Variants in ANGPT1 observed in about 807,000 individuals in gnomAD.
The protein encoded by ANGPT1 is angiopoietin-1.
In ANGPT1, 17 loss-of-function variants were observed where a neutral mutation model predicts 62.2. The ratio of observed to expected loss-of-function variants is 0.27; its 90% CI spans 0.19 to 0.41. The LOEUF is 0.41. ANGPT1 is among the 10% of genes least tolerant of loss of function. The probability of loss-of-function intolerance (pLI) is 1.00; values close to 1 mark genes in which losing one functional copy is unlikely to be tolerated. For synonymous variants in ANGPT1, 199 were observed against 198.9 expected, an observed-to-expected ratio of 1.00 and a Z score of 0.00; for missense variants, 478 against 594.9, an observed-to-expected ratio of 0.80 and a Z score of 2.04.
intron 1 of ANGPT1, among the ~76,000 whole-genome samples, chr8:107,463,172 AGCTGAATGTTGGAGAG>A (rs1812115357): frequency 6.6e-6 from 1 of 152,128 alleles, no homozygotes; most frequent in Non-Finnish European, 1.5e-5. Context: ...TGATGAAGTA[AGCTGAATGTTGGAGAG>A]GCCCATATGG....
intron 1 of ANGPT1, among the ~76,000 whole-genome samples, chr8:107,403,466 T>C (rs1183406380): frequency 2.6e-5 from 4 of 152,144 alleles, no homozygotes; most frequent in Admixed American, 2.6e-4. Flanking sequence ...CAGTTGGGCC[T>C]GGCAGAAATT....
Position 107,343,581 on chromosome 8 carries a change from G to A in ANGPT1, c.453+3361C>T, listed in dbSNP as rs906848489. Among the ~76,000 whole-genome samples the A allele has an allele frequency of 7.2e-5, 11 of 152,258 alleles. No individual in the cohort carries two copies. In the South Asian group the frequency reaches 1.2e-3, roughly 17 times the overall value. ...GTGAGCACTGGTCAATTATACTTCCGCAAGTAGGAGATTGGAAAGGTACAT... is the reference window on the plus strand; with the variant it reads ...GTGAGCACTGGTCAATTATACTTCCACAAGTAGGAGATTGGAAAGGTACAT... On this transcript the variant is annotated intron_variant, in intron 2 of 8. Transcript: ENST00000517746.
chr8:107,413,067 A>C (rs1019907901), intron 1 of ANGPT1, among the ~76,000 whole-genome samples: 5 of 152,190 alleles, frequency 3.3e-5, no homozygotes, highest in Admixed American at 6.5e-5. Flanking sequence ...GTAACTAAGA[A>C]CATAAGTATT....
intron 1 of ANGPT1, among the ~76,000 whole-genome samples, chr8:107,444,581 G>A (rs558101609): frequency 6.6e-6 from 1 of 152,240 alleles, no homozygotes; most frequent in African/African-American, 2.4e-5. Context: ...CAATAATAAT[G>A]TCTAGAAAAA....
intron 8 of ANGPT1, among the ~76,000 whole-genome samples, chr8:107,256,794 T>A (rs1237729373): frequency 6.6e-6 from 1 of 152,164 alleles, no homozygotes; most frequent in Non-Finnish European, 1.5e-5. Context: ...CCTCTGCTAT[T>A]GGGACAACTG....
At chr8:107,409,691 A>G (rs1387634841) in intron 1 of ANGPT1, among the ~76,000 whole-genome samples, 1 of 150,550 alleles carries the variant, frequency 6.6e-6, no homozygotes, top group African/African-American at 2.4e-5. Flanking sequence ...TTGCATTTTA[A>G]TTATGGTCAT....
At chr8:107,354,855 G>T (rs1451994222) in intron 1 of ANGPT1, among the ~76,000 whole-genome samples, 2 of 151,318 alleles carry the variant, frequency 1.3e-5, no homozygotes, top group Non-Finnish European at 1.5e-5. Flanking sequence ...AAGCCACAGA[G>T]AATCACCTTG....
intron 7 of ANGPT1, 79 bp from the exon 8 acceptor site, chr8:107,264,430 T>G: frequency 6.6e-7 from 1 of 1,517,954 alleles, no homozygotes; most frequent in Non-Finnish European, 8.8e-7. Context: ...TGTTGAATGT[T>G]TGCCTTTTTC....
Position 107,381,935 on chromosome 8 carries a change from G to A in ANGPT1, c.298-34838C>T, listed in dbSNP as rs1354727404. ...CTTTGCCTATTCTTCCTCTATATGT[G>A]AGTGGTCAAGAACATTTTGTAAGAC... On this transcript the variant is annotated intron_variant, in intron 1 of 8. Transcript: ENST00000517746. 7.1e-4 allele frequency among the ~76,000 whole-genome samples: 108 copies of A among 152,088 alleles called. 2 individuals are homozygous for A. The highest frequency in any genetic ancestry group is 1.5e-5 in the Non-Finnish European group (1 of 68,026).
In ANGPT1 at chr8:107,380,290, C is replaced by A. The variant is rs113829932; in HGVS notation, c.298-33193G>T. Among the ~76,000 whole-genome samples the A allele has an allele frequency of 7.2e-3, 1,099 of 151,974 alleles. 16 individuals are homozygous for A. Among genetic ancestry groups the A allele is most frequent in the African/African-American group, 0.025 (1,034 of 41,418 alleles). On this transcript the variant is annotated intron_variant, in intron 1 of 8. Coordinates refer to ENST00000517746, the MANE Select transcript of ANGPT1 (RefSeq NM_001146.5). ...TTCACAAGGCAGCAGTTAAAGGCTA[C>A]ATGATATAATCAATCAACTAGTTAT... is the stretch of plus-strand genomic sequence containing the variant.
At chr8:107,315,746 C>T (rs1409493224) in intron 4 of ANGPT1, among the ~76,000 whole-genome samples, 1 of 151,980 alleles carries the variant, frequency 6.6e-6, no homozygotes, top group Admixed American at 6.6e-5. Context: ...TGTAAATGCT[C>T]TCAAATTGTA....
At chr8:107,306,513 T>C (rs1814721801) in intron 4 of ANGPT1, among the ~76,000 whole-genome samples, 1 of 152,146 alleles carries the variant, frequency 6.6e-6, no homozygotes, top group Admixed American at 6.6e-5. Context: ...ACTTTTTGCA[T>C]GACTCGTTTC....
intron 3 of ANGPT1, among the ~76,000 whole-genome samples, chr8:107,332,828 C>G (rs1489140609): frequency 6.6e-6 from 1 of 152,202 alleles, no homozygotes; most frequent in Non-Finnish European, 1.5e-5. Context: ...CAAACCAGAC[C>G]TGACCAACTA....
At chr8:107,369,429 G>T (rs1299214885) in intron 1 of ANGPT1, among the ~76,000 whole-genome samples, 2 of 152,030 alleles carry the variant, frequency 1.3e-5, no homozygotes, top group African/African-American at 4.8e-5. Context: ...AGCCTATTTT[G>T]TTTTCTTAAC....
intron 1 of ANGPT1, among the ~76,000 whole-genome samples, chr8:107,491,742 C>A (rs958532358): frequency 1.7e-4 from 26 of 152,102 alleles, no homozygotes; most frequent in African/African-American, 6.0e-4. Flanking sequence ...TCATATAAGA[C>A]CTCCTGGTAA....
At chr8:107,332,742 ACAACC>A (rs1177400374) in intron 3 of ANGPT1, among the ~76,000 whole-genome samples, 1 of 152,216 alleles carries the variant, frequency 6.6e-6, no homozygotes, top group East Asian at 1.9e-4. Context: ...ACACCCAGAC[ACAACC>A]CCTGACATTC....
chr8:107,436,623 G>A (rs886424773), intron 1 of ANGPT1, among the ~76,000 whole-genome samples: 8 of 152,060 alleles, frequency 5.3e-5, no homozygotes, highest in African/African-American at 1.7e-4. Context: ...TTCATTTATC[G>A]TCTGCAGATG....
chr8:107,416,492 C>A (rs1253103227), intron 1 of ANGPT1, among the ~76,000 whole-genome samples: 1 of 152,208 alleles, frequency 6.6e-6, no homozygotes, highest in Non-Finnish European at 1.5e-5. Context: ...TATATAAGTT[C>A]TTGTTCACCT....
chr8:107,370,173 A>G (rs10955451), intron 1 of ANGPT1, among the ~76,000 whole-genome samples: 3 of 95,002 alleles, frequency 3.2e-5, no homozygotes, highest in Admixed American at 1.4e-4. Context: ...AGAAAGAGAG[A>G]AAGAAGAAAG....
Sources: gnomAD v4.1 joint callset for allele counts (sites outside exome capture counted in the v4.1 genomes callset) on GRCh38, gnomAD v4.1.1 for gene constraint, MANE v1.5 for transcripts, NCBI Gene and HGNC (gene_info 2026-07-23, HGNC 2026-07-21) for gene names.